Variants in FAM120B observed in about 807,000 individuals in gnomAD.
The protein encoded by FAM120B is constitutive coactivator of peroxisome proliferator-activated receptor gamma.
A neutral mutation model predicts 96.3 loss-of-function variants in FAM120B; 83 were observed. The ratio of observed to expected loss-of-function variants is 0.86; its 90% CI spans 0.72 to 1.03. The LOEUF (loss-of-function observed/expected upper bound fraction) is 1.03, where lower values mean the gene tolerates loss of function less well. FAM120B is among the 50% of genes least tolerant of loss of function. FAM120B has a pLI of 0.00. For synonymous variants in FAM120B, 407 were observed against 402.7 expected, an observed-to-expected ratio of 1.01 and a Z score of -0.13; for missense variants, 1,027 against 1,121.2, an observed-to-expected ratio of 0.92 and a Z score of 1.20.
Position 170,402,348 on chromosome 6 carries a change from T to A in FAM120B, c.2693-2202T>A, listed in dbSNP as rs117461652. Among the ~76,000 whole-genome samples, 883 of 152,348 alleles carry A rather than the reference T, an allele frequency of 5.8e-3. 5 individuals carry two copies. Among genetic ancestry groups the A allele is most frequent in the Non-Finnish European group, 9.6e-3 (653 of 68,036 alleles). On this transcript the variant is annotated intron_variant, in intron 9 of 10. Transcript: ENST00000476287. ...CTTTTAAATCTAGTACGCACACCTG[T>A]AAGTACCACTTTAGCACAAGCTTCA...
intron 4 of FAM120B, among the ~76,000 whole-genome samples, chr6:170,338,706 G>A (rs1583225051): frequency 2.6e-5 from 4 of 152,272 alleles, no homozygotes; most frequent in Admixed American, 2.0e-4. Flanking sequence ...GGGTGATCCT[G>A]TATTGGGTGC....
At chr6:170,400,774 A>G (rs1778531370) in intron 9 of FAM120B, among the ~76,000 whole-genome samples, 1 of 152,336 alleles carries the variant, frequency 6.6e-6, no homozygotes, top group Non-Finnish European at 1.5e-5. Context: ...GTCCTACCTC[A>G]GTATCGCTGT....
At chr6:170,376,189 C>A (rs1183798477) in intron 6 of FAM120B, among the ~76,000 whole-genome samples, 1 of 152,026 alleles carries the variant, frequency 6.6e-6, no homozygotes, top group Non-Finnish European at 1.5e-5. Flanking sequence ...TAGTTCGGGT[C>A]TCTAAGGTAG....
At chr6:170,362,856 A>G (rs1198062266) in intron 6 of FAM120B, among the ~76,000 whole-genome samples, 15 of 146,258 alleles carry the variant, frequency 1.0e-4, no homozygotes. Context: ...TAATTTTTGT[A>G]TTTTTTTTTT....
chr6:170,378,457 C>T (rs113644764), intron 6 of FAM120B, among the ~76,000 whole-genome samples: 18 of 152,280 alleles, frequency 1.2e-4, no homozygotes, highest in African/African-American at 4.1e-4. Flanking sequence ...CCGTTCATGT[C>T]CCACAGTAAA....
chr6:170,323,457 TA>T (rs1785422332), intron 3 of FAM120B, among the ~76,000 whole-genome samples, 198 bp downstream of exon 3: 1 of 152,250 alleles, frequency 6.6e-6, no homozygotes, highest in Non-Finnish European at 1.5e-5. Flanking sequence ...CGTCTATATC[TA>T]ATGAACAGTA....
chr6:170,362,762 A>G (rs1017431829), intron 6 of FAM120B, among the ~76,000 whole-genome samples: 8 of 150,390 alleles, frequency 5.3e-5, no homozygotes, highest in Admixed American at 1.3e-4. Context: ...TCTCACTGCA[A>G]TCTCTGCCTC....
In FAM120B at chr6:170,395,489, A is replaced by T. The variant is rs1790679932; in HGVS notation, c.2602A>T (p.Arg868Trp). 1.3e-6 allele frequency: 2 copies of T among 1,589,016 alleles called. No individual in the cohort carries two copies. Among genetic ancestry groups the T allele is most frequent in the Admixed American group, 3.5e-5 (2 of 57,144 alleles). Residue 868 changes from arginine to tryptophan, a missense_variant and splice_region_variant, in exon 9 of 11, where the codon AGG (arginine) becomes TGG (tryptophan). This residue lies in a region of FAM120B where 142 missense variants were observed against 122.5 expected (regional missense o/e 1.16). Transcript: ENST00000476287. ...CTTCTGACTATGTGTTCCCACAGGG[A>T]GGTGGGGAAGACAGGGCTCCAGCTA... ...RAHWGSHHAG[R>W]WGRQGSSYHR...
intron 4 of FAM120B, among the ~76,000 whole-genome samples, chr6:170,340,376 A>G (rs1171381418): frequency 6.6e-6 from 1 of 152,016 alleles, no homozygotes; most frequent in East Asian, 2.0e-4. Flanking sequence ...TGGTTATTCC[A>G]GTTAGCAGTT....
chr6:170,292,334 A>G (rs1783902113), upstream of FAM120B, among the ~76,000 whole-genome samples: 1 of 152,316 alleles, frequency 6.6e-6, no homozygotes, highest in East Asian at 1.9e-4. The surrounding 1 kb of genome is among the most constrained non-coding windows in gnomAD (Gnocchi z 6.6). Flanking sequence ...ACGATGGAGA[A>G]GTAAGTTGGG....
intron 4 of FAM120B, among the ~76,000 whole-genome samples, chr6:170,331,913 C>T (rs1268241563): frequency 3.3e-5 from 5 of 152,246 alleles, no homozygotes; most frequent in African/African-American, 1.2e-4. Flanking sequence ...CTGTGCCCTA[C>T]ATGGAGGGCC....
intron 9 of FAM120B, among the ~76,000 whole-genome samples, chr6:170,399,606 G>T (rs1028635946): frequency 1.1e-4 from 17 of 148,698 alleles, no homozygotes; most frequent in Non-Finnish European, 1.6e-4. Flanking sequence ...AGTGAGGAAG[G>T]TAGAACTATG....
intron 1 of FAM120B, among the ~76,000 whole-genome samples, chr6:170,296,751 C>A (rs1264337829): frequency 6.6e-6 from 1 of 152,090 alleles, no homozygotes; most frequent in African/African-American, 2.4e-5. Flanking sequence ...TGCAGGAGCC[C>A]GCGCGGGGTG....
At position 170,318,074 on chromosome 6, in the gene FAM120B, CCTT is replaced by C; in HGVS notation, c.685_687del (p.Leu229del). The C allele has an allele frequency of 6.2e-7, 1 of 1,614,182 alleles. No individual in the cohort carries two copies. The highest frequency in any genetic ancestry group is 8.5e-7 in the Non-Finnish European group (1 of 1,180,032). On this transcript the variant is annotated inframe_deletion, in exon 2 of 11. Coordinates refer to ENST00000476287, the MANE Select transcript of FAM120B (RefSeq NM_032448.3). ...CCGACCTTCCTCTTCTGGCCTGCCT[CCTT>C]GGCAACGACATAATCCCAGAGGGCA...
intron 5 of FAM120B, among the ~76,000 whole-genome samples, chr6:170,355,675 T>C (rs1787870451): frequency 6.6e-6 from 1 of 152,190 alleles, no homozygotes; most frequent in South Asian, 2.1e-4. Flanking sequence ...GGCACGTGTT[T>C]ACCTATGTAA....
chr6:170,312,256 A>AT (rs569327076), intron 1 of FAM120B, among the ~76,000 whole-genome samples: 6 of 152,236 alleles, frequency 3.9e-5, no homozygotes, highest in South Asian at 2.1e-4. Context: ...TTTTGATCAG[A>AT]TTTTTTTACA....
chr6:170,338,648 G>A (rs1224823152), intron 4 of FAM120B, among the ~76,000 whole-genome samples: 1 of 152,044 alleles, frequency 6.6e-6, no homozygotes, highest in Non-Finnish European at 1.5e-5. Flanking sequence ...TTACTGTGTG[G>A]GAGTCTAAGT....
chr6:170,374,855 C>T (rs936289999), intron 6 of FAM120B, among the ~76,000 whole-genome samples: 8 of 152,174 alleles, frequency 5.3e-5, no homozygotes, highest in African/African-American at 1.7e-4. Context: ...CGTGAAGGGC[C>T]GTCAGAGCAC....
At chr6:170,385,646 G>T (rs1317632098) in intron 6 of FAM120B, among the ~76,000 whole-genome samples, 2 of 152,112 alleles carry the variant, frequency 1.3e-5, no homozygotes, top group African/African-American at 4.8e-5. Flanking sequence ...CAGTAGCTGC[G>T]CCCCTTGCTG....
Sources: gnomAD v4.1 joint callset for allele counts (sites outside exome capture counted in the v4.1 genomes callset) on GRCh38, gnomAD v4.1.1 for gene constraint, gnomAD v4.1.1 regional missense constraint, Gnocchi (gnomAD v3.1) non-coding constraint, MANE v1.5 for transcripts, NCBI Gene and HGNC (gene_info 2026-07-23, HGNC 2026-07-21) for gene names.